PZP: variants seen among roughly 807,000 people sequenced by gnomAD.
PZP encodes the protein pregnancy zone protein.
Under a neutral mutation model 179.8 loss-of-function variants are expected in PZP, and 150 were observed. The observed-to-expected ratio is 0.83, with a 90% CI of 0.73 to 0.96. PZP has a LOEUF of 0.96. Among genes scored for constraint, PZP ranks in the 40% least tolerant of loss-of-function variants. The probability of loss-of-function intolerance (pLI) is 0.00; values close to 1 mark genes in which losing one functional copy is unlikely to be tolerated. For missense variants in PZP, 1,689 were observed against 1,764.0 expected, an observed-to-expected ratio of 0.96 and a Z score of 0.76; for synonymous variants, 624 against 652.3, an observed-to-expected ratio of 0.96 and a Z score of 0.66.
rs1255954859 is a variant in PZP, at chr12:9,200,386, C to A, written c.733G>T (p.Val245Leu). ...CACTCTCCACAGACTGTTATGTTCA[C>A]TTTTTCATCCATGATACTGATTATC... ...PKIISIMDEK[V>L]NITVCGEYTY... Residue 245 changes from valine to leucine, a missense_variant, in exon 7 of 36, where the codon GTG (valine) becomes TTG (leucine). This residue lies in a region of PZP where 742 missense variants were observed against 730.5 expected (regional missense o/e 1.02). Transcript: ENST00000261336. The A allele has an allele frequency of 2.5e-6, 4 of 1,610,094 alleles. No homozygotes were observed. The African/African-American group carries it at 5.3e-5, about 22-fold the overall frequency.
intron 21 of PZP, among the ~76,000 whole-genome samples, chr12:9,163,296 C>CA (rs139918325): frequency 6.7e-5 from 9 of 134,432 alleles, no homozygotes; most frequent in African/African-American, 2.6e-4. Flanking sequence ...ACTAAAAATA[C>CA]AAAAAAAAAA....
chr12:9,165,677 G>A (rs1205003388), intron 18 of PZP, among the ~76,000 whole-genome samples: 1 of 152,078 alleles, frequency 6.6e-6, no homozygotes, highest in Non-Finnish European at 1.5e-5. Context: ...CCATAAATAA[G>A]CATTTTTAAG....
In PZP at chr12:9,170,631, T is replaced by C. The variant is rs1220332131; in HGVS notation, c.1840-1040A>G. On this transcript the variant is annotated intron_variant, in intron 15 of 35. Transcript: ENST00000261336. This position sits in a 1 kb window ranked among gnomAD's most constrained non-coding sequence, Gnocchi z 4.6. ...GGAGAGGTGGGTGCCATCTCTGTGG[T>C]TCTGAGGACTCAGCCACTCCAGCCT... Among the ~76,000 whole-genome samples, 17 of 152,208 alleles carry C rather than the reference T, an allele frequency of 1.1e-4. No homozygotes were observed. The highest frequency in any genetic ancestry group is 1.5e-5 in the Non-Finnish European group (1 of 67,994).
intron 15 of PZP, among the ~76,000 whole-genome samples, chr12:9,174,561 C>G (rs916025049): frequency 1.3e-5 from 2 of 152,086 alleles, no homozygotes; most frequent in African/African-American, 4.8e-5. Flanking sequence ...TCTAGAAAAC[C>G]CCATTATCTC....
At chr12:9,146,233 C>T (rs1206022846), downstream of PZP, among the ~76,000 whole-genome samples, 1 of 151,342 alleles carries the variant, frequency 6.6e-6, no homozygotes, top group Non-Finnish European at 1.5e-5. Flanking sequence ...CTTTTTTTCT[C>T]TTCTGACTGA....
intron 29 of PZP, 72 bp downstream of exon 29, chr12:9,154,544 T>G (rs974174816): frequency 7.3e-7 from 1 of 1,365,746 alleles, no homozygotes; most frequent in African/African-American, 1.4e-5. Context: ...TCTTTTCCAT[T>G]AACTGTTCTA....
Position 9,153,288 on chromosome 12 carries a change from C to T in PZP, c.3830G>A (p.Arg1277Lys). ...LSRYGAATFT[R>K]TEKTAQVTVQ... ...GGTGACCTGTGCAGTTTTCTCAGTT[C>T]TGGTGAAAGTGGCTGCTCCATACCT... Residue 1277 changes from arginine to lysine, a missense_variant, in exon 30 of 36, where the codon AGA becomes AAA. Physicochemically the swap from Arg to Lys is conservative, Grantham distance 26. Around this residue, in one of 3 missense-constraint regions of PZP, gnomAD observed 746 missense variants for 749.2 expected, o/e 1.00. Transcript: ENST00000261336. The T allele has an allele frequency of 6.2e-7, 1 of 1,614,178 alleles. No homozygotes were observed. The highest frequency in any genetic ancestry group is 8.5e-7 in the Non-Finnish European group (1 of 1,180,016).
At chr12:9,184,628 C>A (rs1052623998) in intron 13 of PZP, among the ~76,000 whole-genome samples, 1 of 152,258 alleles carries the variant, frequency 6.6e-6, no homozygotes, top group Non-Finnish European at 1.5e-5. Context: ...CCCACTGCTA[C>A]CATCCTGCAA....
intron 15 of PZP, among the ~76,000 whole-genome samples, chr12:9,172,566 A>G (rs1281055458): frequency 6.6e-6 from 1 of 152,332 alleles, no homozygotes; most frequent in East Asian, 1.9e-4. Context: ...AAGACCCATC[A>G]TCAGTATGCT....
At chr12:9,177,118 C>T (rs1258109582) in intron 15 of PZP, among the ~76,000 whole-genome samples, 13 of 152,134 alleles carry the variant, frequency 8.5e-5, no homozygotes, top group Non-Finnish European at 1.2e-4. Context: ...CATTGTTCGT[C>T]GCACAATGAA....
intron 15 of PZP, among the ~76,000 whole-genome samples, chr12:9,178,169 A>G (rs1433776133): frequency 6.6e-6 from 1 of 152,252 alleles, no homozygotes; most frequent in Non-Finnish European, 1.5e-5. Context: ...TCTGTGGTCA[A>G]CTGTGATCCA....
chr12:9,195,868 A>G (rs778706537), intron 10 of PZP, among the ~76,000 whole-genome samples: 1 of 79,400 alleles, frequency 1.3e-5, no homozygotes, highest in African/African-American at 5.0e-5. Context: ...ATATAAAAAT[A>G]TAATAATAAT....
chr12:9,197,844 TATATA>T (rs1174729531), intron 7 of PZP, among the ~76,000 whole-genome samples: 2 of 114,986 alleles, frequency 1.7e-5, no homozygotes, highest in African/African-American at 7.0e-5. Context: ...CAATATATAA[TATATA>T]ATATTAATTA....
At chr12:9,205,363 GT>G (rs1057492379) in intron 1 of PZP, among the ~76,000 whole-genome samples, 2 of 152,090 alleles carry the variant, frequency 1.3e-5, no homozygotes, top group Non-Finnish European at 2.9e-5. Flanking sequence ...AAGAGAATGT[GT>G]TTTTGTTGTT....
At position 9,181,014 on chromosome 12, in the gene PZP, A is replaced by C. The variant is rs1461408649; in HGVS notation, c.1808T>G (p.Met603Arg). ...CACAGAGAGCTCAGCCTCAGGCTTC[A>C]TGAGCAGCACACTTTGGTCCACAGC... ...LRAVDQSVLL[M>R]KPEAELSVSS... The change falls in exon 15 of 36, where the codon ATG becomes AGG. Residue 603 changes from methionine (M) to arginine (R), a missense_variant. By Grantham distance (91) the Met-to-Arg change is moderately conservative (BLOSUM62 -1). Around this residue, in one of 3 missense-constraint regions of PZP, gnomAD observed 742 missense variants for 730.5 expected, o/e 1.02. Transcript: ENST00000261336. 1.2e-6 allele frequency: 2 copies of C among 1,614,046 alleles called. No homozygotes were observed. Among genetic ancestry groups the C allele is most frequent in the African/African-American group, 1.3e-5 (1 of 75,064 alleles).
intron 26 of PZP, 43 bp downstream of exon 26, chr12:9,158,377 A>T: frequency 6.2e-7 from 1 of 1,606,888 alleles, no homozygotes; most frequent in Non-Finnish European, 8.5e-7. Context: ...GGGGGATGTT[A>T]TGTTGATGTG....
At chr12:9,186,721 A>G (rs1270312598) in intron 13 of PZP, among the ~76,000 whole-genome samples, 1 of 152,118 alleles carries the variant, frequency 6.6e-6, no homozygotes, top group Non-Finnish European at 1.5e-5. Context: ...TGAAGCTGGA[A>G]ACTGTCATTC....
chr12:9,149,092 C>A (rs1048715668), intron 35 of PZP, 98 bp from the exon 36 acceptor site: 26 of 1,107,678 alleles, frequency 2.3e-5, no homozygotes, highest in Non-Finnish European at 3.6e-5. Context: ...GGTCAGGAAA[C>A]TTTGTGAAAG....
At chr12:9,157,114 T>A in intron 28 of PZP, 61 bp downstream of exon 28, 1 of 1,516,382 alleles carries the variant, frequency 6.6e-7, no homozygotes, top group South Asian at 1.2e-5. Flanking sequence ...CAATGTGTGC[T>A]GTTCCCCTCC....
Sources: allele counts gnomAD v4.1 joint callset (sites outside exome capture counted in the v4.1 genomes callset), GRCh38; gene constraint gnomAD v4.1.1; regional missense constraint gnomAD v4.1.1; non-coding constraint Gnocchi (gnomAD v3.1); transcripts MANE v1.5; gene names NCBI Gene and HGNC (gene_info 2026-07-23, HGNC 2026-07-21).